Variants in CBLB observed in about 807,000 individuals in gnomAD.
CBLB encodes E3 ubiquitin-protein ligase CBL-B.
CBLB carries 31 observed loss-of-function variants against 104.9 expected under a neutral mutation model. The ratio of observed to expected loss-of-function variants is 0.30; its 90% CI spans 0.22 to 0.40. The LOEUF is 0.40. Ranked by LOEUF, CBLB falls within the 10% of genes least tolerant of loss-of-function variation. CBLB has a pLI of 1.00. For missense variants in CBLB, 1,062 were observed against 1,214.6 expected (o/e 0.87, Z 1.87); for synonymous variants, 440 against 422.6 (o/e 1.04, Z -0.51).
intron 10 of CBLB, among the ~76,000 whole-genome samples, chr3:105,719,648 A>G (rs1237800535): frequency 1.3e-5 from 2 of 152,204 alleles, no homozygotes; most frequent in African/African-American, 4.8e-5. Flanking sequence ...ACAGTACATA[A>G]TATGTGATAA....
rs1022339310 is a variant in CBLB at position 105,711,483 on chromosome 3, T to C, written c.1408-7310A>G. On this transcript the variant is annotated intron_variant, in intron 10 of 18. Coordinates refer to ENST00000394030, the MANE Select transcript of CBLB (RefSeq NM_170662.5). Reference sequence around the variant, plus strand: ...TACAGAATATTATTCAGAGAGGGTATATGCTACAAAAATGCTTACACACAT... The same window carrying C: ...TACAGAATATTATTCAGAGAGGGTACATGCTACAAAAATGCTTACACACAT... Among the ~76,000 whole-genome samples, 7 of 152,194 alleles carry C rather than the reference T, an allele frequency of 4.6e-5. No homozygotes were observed. The South Asian group carries it at 1.0e-3, about 23-fold the overall frequency.
At chr3:105,832,364 A>G (rs1347137834) in intron 3 of CBLB, among the ~76,000 whole-genome samples, 1 of 152,222 alleles carries the variant, frequency 6.6e-6, no homozygotes, top group African/African-American at 2.4e-5. Flanking sequence ...CAGTTAATGG[A>G]CAACAAATAA....
intron 5 of CBLB, among the ~76,000 whole-genome samples, chr3:105,746,873 G>C (rs2076149019): frequency 6.6e-6 from 1 of 152,200 alleles, no homozygotes; most frequent in Non-Finnish European, 1.5e-5. Flanking sequence ...ATAGTAATCA[G>C]CCAGGGATAA....
At chr3:105,771,942 C>T (rs2152955046) in intron 4 of CBLB, among the ~76,000 whole-genome samples, 1 of 151,228 alleles carries the variant, frequency 6.6e-6, no homozygotes, top group South Asian at 2.1e-4. Context: ...AATAAAATGA[C>T]CACACTGCTC....
At chr3:105,809,922 G>C (rs1268247397) in intron 3 of CBLB, among the ~76,000 whole-genome samples, 1 of 152,160 alleles carries the variant, frequency 6.6e-6, no homozygotes, top group Admixed American at 6.5e-5. Context: ...TTTAGAAACA[G>C]GGAATCAGCA....
Position 105,739,910 on chromosome 3 carries a change from C to G in CBLB, c.983+584G>C, listed in dbSNP as rs191937368. ...ATGAGGTCAGGAAATTGAGGCCATC[C>G]TGGCTAACACGGTGAAACCCCGTCT... On this transcript the variant is annotated intron_variant, in intron 7 of 18. Transcript: ENST00000394030. Among the ~76,000 whole-genome samples the G allele has an allele frequency of 9.0e-3, 1,365 of 152,278 alleles. 18 individuals carry two copies. The highest frequency in any genetic ancestry group is 0.02 in the Middle Eastern group (6 of 294).
chr3:105,684,140 A>C (rs893547313), intron 14 of CBLB, among the ~76,000 whole-genome samples: 3 of 152,196 alleles, frequency 2.0e-5, no homozygotes, highest in Non-Finnish European at 4.4e-5. Context: ...CAGATGACTG[A>C]AGTAATTGCC....
chr3:105,664,435 G>A (rs553076831), intron 18 of CBLB, among the ~76,000 whole-genome samples: 3 of 152,224 alleles, frequency 2.0e-5, no homozygotes, highest in South Asian at 2.1e-4. Flanking sequence ...TTGACATATT[G>A]AGTATGATCT....
intron 6 of CBLB, 87 bp downstream of exon 6, chr3:105,745,830 G>A (rs1576821334): frequency 5.3e-5 from 62 of 1,179,184 alleles, no homozygotes; most frequent in Middle Eastern, 3.9e-4. Flanking sequence ...TGCCATCAGC[G>A]GGTATTGCTG....
chr3:105,729,645 G>A (rs2074087957), intron 9 of CBLB, among the ~76,000 whole-genome samples: 1 of 151,922 alleles, frequency 6.6e-6, no homozygotes, highest in African/African-American at 2.4e-5. Flanking sequence ...ACCACTTTTG[G>A]CAATATTTTG....
At chr3:105,704,590 G>A (rs2069782465) in intron 10 of CBLB, among the ~76,000 whole-genome samples, 2 of 151,726 alleles carry the variant, frequency 1.3e-5, no homozygotes, top group Admixed American at 1.3e-4. Flanking sequence ...CTATTGCTTT[G>A]TTCCAAACAT....
intron 17 of CBLB, among the ~76,000 whole-genome samples, chr3:105,676,566 T>C (rs1228873445): frequency 2.6e-5 from 4 of 152,164 alleles, no homozygotes; most frequent in African/African-American, 9.7e-5. Flanking sequence ...GAAATTTAAG[T>C]AACTAAGATT....
chr3:105,762,426 G>A (rs778795805), intron 4 of CBLB: 1 of 152,276 alleles, frequency 6.6e-6, no homozygotes, highest in Non-Finnish European at 1.5e-5. Context: ...GGTTTCATTG[G>A]CTGTACCCAA....
chr3:105,749,003 A>G (rs1030876689), intron 5 of CBLB, among the ~76,000 whole-genome samples: 4 of 152,254 alleles, frequency 2.6e-5, no homozygotes, highest in Non-Finnish European at 5.9e-5. Flanking sequence ...GCAGTCACAC[A>G]GTATTAGCAA....
chr3:105,753,139 G>A (rs963951240), intron 4 of CBLB, among the ~76,000 whole-genome samples: 2 of 152,102 alleles, frequency 1.3e-5, no homozygotes, highest in African/African-American at 2.4e-5. Flanking sequence ...GTGGGAAGTG[G>A]CATAAATTAA....
intron 10 of CBLB, among the ~76,000 whole-genome samples, chr3:105,705,134 C>T (rs916597894): frequency 6.6e-6 from 1 of 152,108 alleles, no homozygotes; most frequent in African/African-American, 2.4e-5. Context: ...TTTCTGAATG[C>T]TAGTATTTAT....
At chr3:105,734,871 T>C (rs914302071) in intron 8 of CBLB, among the ~76,000 whole-genome samples, 18 of 152,230 alleles carry the variant, frequency 1.2e-4, no homozygotes, top group African/African-American at 4.1e-4. Flanking sequence ...TCTTGATTGA[T>C]TGGGTTTTTA....
At chr3:105,690,231 T>C (rs2067507923) in intron 13 of CBLB, among the ~76,000 whole-genome samples, 1 of 152,182 alleles carries the variant, frequency 6.6e-6, no homozygotes, top group Non-Finnish European at 1.5e-5. Context: ...GAATGCGTAA[T>C]TTTGCTTTGG....
chr3:105,838,402 G>C (rs1212401044), intron 3 of CBLB, among the ~76,000 whole-genome samples: 3 of 151,908 alleles, frequency 2.0e-5, no homozygotes, highest in Non-Finnish European at 4.4e-5. Flanking sequence ...AGAAGGAAAA[G>C]ACACATTTTA....
Sources: gnomAD v4.1 joint callset for allele counts (sites outside exome capture counted in the v4.1 genomes callset) on GRCh38, gnomAD v4.1.1 for gene constraint, MANE v1.5 for transcripts, NCBI Gene and HGNC (gene_info 2026-07-23, HGNC 2026-07-21) for gene names.